The following SDCCAG8 variants were observed in gnomAD, a reference collection of about 807,000 sequenced individuals.
The protein encoded by SDCCAG8 is serologically defined colon cancer antigen 8.
SDCCAG8 carries 74 observed loss-of-function variants against 101.8 expected under a neutral mutation model. The observed-to-expected ratio is 0.73, with a 90% CI of 0.60 to 0.88. The LOEUF is 0.88. Ranked by LOEUF, SDCCAG8 falls within the 40% of genes least tolerant of loss-of-function variation. SDCCAG8 has a pLI of 0.00. For missense variants in SDCCAG8, 787 were observed against 822.6 expected (o/e 0.96, Z 0.53); for synonymous variants, 281 against 292.9 (o/e 0.96, Z 0.41).
At chr1:243,498,946 C>CAATCT (rs1340726863) in intron 17 of SDCCAG8, among the ~76,000 whole-genome samples, 2 of 152,356 alleles carry the variant, frequency 1.3e-5, no homozygotes, top group African/African-American at 4.8e-5. Flanking sequence ...CTGGACTTCA[C>CAATCT]AATCTAGAGG....
intron 4 of SDCCAG8, among the ~76,000 whole-genome samples, chr1:243,275,282 TTCTC>T (rs1178760629): frequency 6.6e-6 from 1 of 152,102 alleles, no homozygotes; most frequent in Non-Finnish European, 1.5e-5. Flanking sequence ...TTCTGTTTCT[TTCTC>T]TCTTTCTTTC....
rs1049926443 is a variant in SDCCAG8 at position 243,330,685 on chromosome 1, G to T, written c.1214G>T (p.Gly405Val). ...ATAACGAAAGAAAGGGAGTACATGGGATCAAAGGTACTTAAGGACTCTGCT... is the reference window on the plus strand; with the variant it reads ...ATAACGAAAGAAAGGGAGTACATGGTATCAAAGGTACTTAAGGACTCTGCT... ...KEITKEREYM[G>V]SKMLILSQNI... Residue 405 changes from glycine to valine, a missense_variant, in exon 10 of 18, where the codon GGA (glycine) becomes GTA (valine). By Grantham distance (109) the Gly-to-Val change is moderately radical (BLOSUM62 -3). Coordinates refer to ENST00000366541, the MANE Select transcript of SDCCAG8 (RefSeq NM_006642.5). 2 of 1,613,964 alleles carry T rather than the reference G, an allele frequency of 1.2e-6. No individual in the cohort carries two copies. Among genetic ancestry groups the T allele is most frequent in the Non-Finnish European group, 1.7e-6 (2 of 1,179,988 alleles).
chr1:243,390,045 T>C (rs1055234112), intron 13 of SDCCAG8, among the ~76,000 whole-genome samples: 1 of 152,220 alleles, frequency 6.6e-6, no homozygotes, highest in Non-Finnish European at 1.5e-5. Flanking sequence ...CATCTTAAGA[T>C]AACAACAAGC....
intron 16 of SDCCAG8, among the ~76,000 whole-genome samples, chr1:243,462,710 G>C (rs921424742): frequency 1.3e-5 from 2 of 152,142 alleles, no homozygotes; most frequent in African/African-American, 4.8e-5. Context: ...CAGCACCTAT[G>C]TGTGCACTGC....
chr1:243,499,860 A>C lies in SDCCAG8; in HGVS notation c.*75A>C. 7.1e-7 allele frequency: 1 copy of C among 1,408,310 alleles called. No homozygotes were observed. The highest frequency in any genetic ancestry group is 1.7e-5 in the Admixed American group (1 of 58,880). 87.2% of individuals were successfully genotyped at this position (1,408,310 alleles called of 1,614,324 possible). ...TCATCTGGTTTAGACTTAATATGCCACAACGCACCACGACCTTCCCAGGGT... is the reference window on the plus strand; with the variant it reads ...TCATCTGGTTTAGACTTAATATGCCCCAACGCACCACGACCTTCCCAGGGT... On this transcript the variant is annotated 3_prime_UTR_variant, in exon 18 of 18. Transcript: ENST00000366541.
intron 4 of SDCCAG8, among the ~76,000 whole-genome samples, chr1:243,276,970 A>T (rs2068624898): frequency 6.6e-6 from 1 of 152,206 alleles, no homozygotes; most frequent in Non-Finnish European, 1.5e-5. Context: ...GTCTTTTCAT[A>T]ACTTGATAGC....
At chr1:243,363,059 G>A (rs2076808660) in intron 12 of SDCCAG8, among the ~76,000 whole-genome samples, 1 of 152,112 alleles carries the variant, frequency 6.6e-6, no homozygotes, top group African/African-American at 2.4e-5. Flanking sequence ...TGAGGTTTGT[G>A]TCACAGACAC....
At chr1:243,308,809 T>G (rs541946137) in intron 8 of SDCCAG8, among the ~76,000 whole-genome samples, 1 of 152,348 alleles carries the variant, frequency 6.6e-6, no homozygotes, top group Non-Finnish European at 1.5e-5. Flanking sequence ...TGTGAAAATT[T>G]TATTCTGTGG....
rs756729603 is a variant in SDCCAG8, at chr1:243,256,184, C to G, written c.11C>G (p.Ser4Cys). 7 of 1,614,010 alleles carry G rather than the reference C, an allele frequency of 4.3e-6. 1 individual carries two copies. The highest frequency in any genetic ancestry group is 3.3e-5 in the South Asian group (3 of 91,090). The change falls in exon 1 of 18, where the codon TCC becomes TGC. Residue 4 changes from serine to cysteine, a missense_variant. Ser to Cys is a moderately radical substitution (Grantham distance 112). Coordinates refer to ENST00000366541, the MANE Select transcript of SDCCAG8 (RefSeq NM_006642.5). Reference sequence around the variant, plus strand: ...GCCTAGAGTGCGTGCATGGCGAAGTCCCCGGAGAACTCTACCCTGGAGGAG... The same window carrying G: ...GCCTAGAGTGCGTGCATGGCGAAGTGCCCGGAGAACTCTACCCTGGAGGAG... MAK[S>C]PENSTLEEIL...
chr1:243,257,500 A>G (rs1015240394), intron 1 of SDCCAG8, among the ~76,000 whole-genome samples: 4 of 151,914 alleles, frequency 2.6e-5, no homozygotes, highest in Middle Eastern at 3.2e-3. Context: ...ATAGATTACT[A>G]TGATAGAAAG....
At chr1:243,299,292 A>G (rs2071260307) in intron 6 of SDCCAG8, among the ~76,000 whole-genome samples, 1 of 152,188 alleles carries the variant, frequency 6.6e-6, no homozygotes, top group Non-Finnish European at 1.5e-5. Context: ...AGCATGGTAT[A>G]TCTTTTCCCT....
chr1:243,374,892 T>A (rs928509978), intron 12 of SDCCAG8, among the ~76,000 whole-genome samples: 1 of 152,064 alleles, frequency 6.6e-6, no homozygotes, highest in East Asian at 1.9e-4. Context: ...TTAAAAAAAA[T>A]TATTGATGAT....
In SDCCAG8 at chr1:243,362,029, A is replaced by G. The variant is rs1573564226; in HGVS notation, c.1474-16692A>G. Reference sequence around the variant, plus strand: ...AGATGGCCAAGTGACTGCCTCAAGTAACACAGTAACTGGATGGATAGGTGG... The same window carrying G: ...AGATGGCCAAGTGACTGCCTCAAGTGACACAGTAACTGGATGGATAGGTGG... On this transcript the variant is annotated intron_variant, in intron 12 of 17. Transcript: ENST00000366541. 1.3e-5 allele frequency among the ~76,000 whole-genome samples: 2 copies of G among 148,486 alleles called. 1 individual carries two copies. The highest frequency in any genetic ancestry group is 4.3e-4 in the South Asian group (2 of 4,632).
At chr1:243,439,213 G>A (rs1558470929) in intron 16 of SDCCAG8, among the ~76,000 whole-genome samples, 1 of 152,052 alleles carries the variant, frequency 6.6e-6, no homozygotes, top group Non-Finnish European at 1.5e-5. Flanking sequence ...GGGTGCAGTT[G>A]TGCAGTCATG....
At position 243,474,446 on chromosome 1, in the gene SDCCAG8, A is replaced by G. The variant is rs2994323; in HGVS notation, c.1986-14568A>G. 0.82 allele frequency among the ~76,000 whole-genome samples: 124,565 copies of G among 152,134 alleles called. 51,197 individuals are homozygous for G. Among genetic ancestry groups the G allele is most frequent in the East Asian group, 0.93 (4,803 of 5,146 alleles). ...CCAGGCCCTCTCGCGCGGCTTCGGG[A>G]CTCGGCCGAGCCCGGGCCTAGTATC... On this transcript the variant is annotated intron_variant, in intron 16 of 17. Transcript: ENST00000366541. The surrounding 1 kb of genome is among the most constrained non-coding windows in gnomAD (Gnocchi z 4.7).
chr1:243,449,551 G>T (rs2148122472), intron 16 of SDCCAG8, among the ~76,000 whole-genome samples: 1 of 152,300 alleles, frequency 6.6e-6, no homozygotes, highest in Non-Finnish European at 1.5e-5. Flanking sequence ...ACGATCCTTG[G>T]AAACACATTA....
At chr1:243,391,913 G>A (rs188971338) in intron 13 of SDCCAG8, among the ~76,000 whole-genome samples, 77 of 152,130 alleles carry the variant, frequency 5.1e-4, no homozygotes, top group Admixed American at 1.2e-3. Context: ...TTTGCCCTTT[G>A]CCCAGTAGCT....
intron 15 of SDCCAG8, among the ~76,000 whole-genome samples, chr1:243,423,303 C>T (rs1452906085): frequency 6.6e-6 from 1 of 152,048 alleles, no homozygotes; most frequent in Non-Finnish European, 1.5e-5. Flanking sequence ...TTTCCTGTGC[C>T]ACTACCAGCT....
intron 1 of SDCCAG8, chr1:243,268,171 T>G (rs2067786823): frequency 3.5e-6 from 2 of 573,074 alleles, no homozygotes; most frequent in South Asian, 2.0e-5. Flanking sequence ...GCAATGCTTT[T>G]ACCTGGAATA....
Sources: gnomAD v4.1 joint callset for allele counts (sites outside exome capture counted in the v4.1 genomes callset) on GRCh38, gnomAD v4.1.1 for gene constraint, Gnocchi (gnomAD v3.1) non-coding constraint, MANE v1.5 for transcripts, NCBI Gene and HGNC (gene_info 2026-07-23, HGNC 2026-07-21) for gene names.